The following NOTCH2NLB variants were observed in gnomAD, a reference collection of about 807,000 sequenced individuals.
NOTCH2NLB encodes the protein notch homolog 2 N-terminal-like protein B.
Under a neutral mutation model 14.8 loss-of-function variants are expected in NOTCH2NLB, and 1 was observed. The ratio of observed to expected loss-of-function variants is 0.07; its 90% CI spans 0.02 to 0.32. The LOEUF is 0.32. Among genes scored for constraint, NOTCH2NLB ranks in the 10% least tolerant of loss-of-function variants. The pLI is 1.00. For missense variants in NOTCH2NLB, 11 were observed against 155.0 expected, an observed-to-expected ratio of 0.07 and a Z score of 4.93; for synonymous variants, 6 against 57.5, an observed-to-expected ratio of 0.10 and a Z score of 4.05.
chr1:148,638,333 T>C (rs1364604013), intron 2 of NOTCH2NLB, among the ~76,000 whole-genome samples: 5 of 149,400 alleles, frequency 3.3e-5, no homozygotes, highest in Admixed American at 2.6e-4. Context: ...AAAAAATGCA[T>C]AAGACTAAGA....
At chr1:148,673,562 A>T (rs1166786591) in intron 1 of NOTCH2NLB, among the ~76,000 whole-genome samples, 1 of 89,632 alleles carries the variant, frequency 1.1e-5, no homozygotes, top group Non-Finnish European at 2.4e-5. Context: ...ATCTCAGGTA[A>T]CATTCTAATG....
At chr1:148,602,275 AAAAAAG>A (rs1335190350), downstream of NOTCH2NLB, among the ~76,000 whole-genome samples, 7 of 70,852 alleles carry the variant, frequency 9.9e-5, no homozygotes, top group African/African-American at 5.8e-4. Flanking sequence ...AAAAAAAAAA[AAAAAAG>A]AAAAGAAAAG....
upstream of NOTCH2NLB, among the ~76,000 whole-genome samples, chr1:148,681,029 G>A (rs1192732285): frequency 6.7e-6 from 1 of 150,194 alleles, no homozygotes; most frequent in African/African-American, 2.4e-5. Context: ...ACGGAAAGGG[G>A]GTTGGGACCA....
rs1159527088 is a variant in NOTCH2NLB, at chr1:148,622,356, C to T, written c.78-6406G>A. On this transcript the variant is annotated intron_variant, in intron 2 of 4. Coordinates refer to ENST00000593495, the Ensembl canonical transcript of NOTCH2NLB. ...CTGCACTCCAGCCTGGGCAACAGAG[C>T]GAGACTCCCTCTCAAAAAAAAAAAA... Among the ~76,000 whole-genome samples, 6 of 105,086 alleles carry T rather than the reference C, an allele frequency of 5.7e-5. No individual in the cohort carries two copies. The East Asian group carries it at 1.9e-3, about 33-fold the overall frequency. 68.9% of individuals were successfully genotyped at this position (105,086 alleles called of 152,430 possible).
intron 3 of NOTCH2NLB, among the ~76,000 whole-genome samples, chr1:148,608,449 T>C (rs1382191797): frequency 2.0e-5 from 3 of 151,954 alleles, no homozygotes; most frequent in African/African-American, 7.3e-5. Flanking sequence ...TCTTGGCAAC[T>C]CTACTCAAAA....
At chr1:148,684,838 G>C in the NOTCH2NLB span, among the ~76,000 whole-genome samples, 4 of 104,478 alleles carry the variant, frequency 3.8e-5, no homozygotes, top group Admixed American at 9.2e-5. Context: ...TGAGGTGGGA[G>C]GACCACTTGA....
chr1:148,625,343 T>A (rs2149607950), intron 2 of NOTCH2NLB, among the ~76,000 whole-genome samples: 1 of 89,700 alleles, frequency 1.1e-5, no homozygotes, highest in East Asian at 5.6e-4. Flanking sequence ...CTTTAGCTTT[T>A]TTTTTTTTTT....
chr1:148,637,592 G>A (rs1664236556), intron 2 of NOTCH2NLB, among the ~76,000 whole-genome samples: 2 of 147,984 alleles, frequency 1.4e-5, no homozygotes, highest in Non-Finnish European at 3.0e-5. Flanking sequence ...TTTAAATTTT[G>A]CTTTTAAGTT....
chr1:148,610,306 A>AGG (rs1663644774), intron 3 of NOTCH2NLB, among the ~76,000 whole-genome samples: 3 of 92,154 alleles, frequency 3.3e-5, no homozygotes, highest in African/African-American at 9.9e-5. Flanking sequence ...GGAAAGAGAG[A>AGG]GAAAGAGAGA....
chr1:148,658,209 ATC>A (rs1208890983), intron 1 of NOTCH2NLB, among the ~76,000 whole-genome samples: 4 of 6,354 alleles, frequency 6.3e-4, no homozygotes, highest in African/African-American at 3.4e-3. Context: ...ACAGTTTGTA[ATC>A]TGTTTTTAAA....
intron 1 of NOTCH2NLB, among the ~76,000 whole-genome samples, chr1:148,661,293 A>G: frequency 1.3e-5 from 2 of 149,282 alleles, no homozygotes; most frequent in African/African-American, 4.9e-5. Context: ...ATTAGGCACT[A>G]TTATAAAAAA....
At chr1:148,670,535 A>ATATAT (rs1347581270) in intron 1 of NOTCH2NLB, among the ~76,000 whole-genome samples, 1,350 of 58,350 alleles carry the variant, frequency 0.023, 15 homozygotes, top group East Asian at 0.029. Context: ...AAACTAAAAA[A>ATATAT]AAAAATATAT....
At chr1:148,608,480 A>G (rs1663578535) in intron 3 of NOTCH2NLB, among the ~76,000 whole-genome samples, 2 of 152,162 alleles carry the variant, frequency 1.3e-5, no homozygotes, top group Admixed American at 6.5e-5. Context: ...CTGTAAAGTC[A>G]TCCTTAGTGC....
intron 1 of NOTCH2NLB, among the ~76,000 whole-genome samples, chr1:148,651,144 G>GGGAA: frequency 1.3e-5 from 1 of 76,510 alleles, no homozygotes; most frequent in Non-Finnish European, 2.4e-5. Context: ...CTCTGCCTGA[G>GGGAA]AAAAAAAAAA....
chr1:148,609,134 T>G lies in NOTCH2NLB; in HGVS notation c.338-1389A>C, dbSNP rs1424872299. On this transcript the variant is annotated intron_variant, in intron 3 of 4. Transcript: ENST00000593495. ...ATTATACTTTAAGTTCTAGGGTACATGTGCACAACATGCAGGTTTGTTACA... is the reference window on the plus strand; with the variant it reads ...ATTATACTTTAAGTTCTAGGGTACAGGTGCACAACATGCAGGTTTGTTACA... 1.6e-4 allele frequency among the ~76,000 whole-genome samples: 22 copies of G among 141,336 alleles called. No homozygotes were observed. In the South Asian group the frequency reaches 4.6e-3, roughly 29 times the overall value. The allele number at this position is 141,336 out of a possible 152,430, so 92.7% of individuals were successfully genotyped here. A position where few individuals can be genotyped will look rare whatever the true frequency, so the allele number is the denominator to read the frequency against.
At chr1:148,638,226 A>G (rs1664259435) in intron 2 of NOTCH2NLB, among the ~76,000 whole-genome samples, 1 of 148,950 alleles carries the variant, frequency 6.7e-6, no homozygotes, top group African/African-American at 2.5e-5. Flanking sequence ...TAGATAAGAA[A>G]CATGTGCATG....
chr1:148,625,694 G>C (rs1410345718), intron 2 of NOTCH2NLB, among the ~76,000 whole-genome samples: 1 of 116,468 alleles, frequency 8.6e-6, no homozygotes, highest in Non-Finnish European at 1.7e-5. Context: ...TGCCCTAGCT[G>C]AGCTCTAGAG....
At chr1:148,637,110 T>C in intron 2 of NOTCH2NLB, among the ~76,000 whole-genome samples, 1 of 135,836 alleles carries the variant, frequency 7.4e-6, no homozygotes, top group Non-Finnish European at 1.6e-5. Context: ...GCTCTGTCGC[T>C]CAGGCTGGAG....
At chr1:148,703,139 A>G in the NOTCH2NLB span, among the ~76,000 whole-genome samples, 5 of 43,178 alleles carry the variant, frequency 1.2e-4, no homozygotes, top group African/African-American at 1.5e-4. Context: ...AAATACAAAA[A>G]ATTAGCCGGG....
Sources: allele counts gnomAD v4.1 joint callset (sites outside exome capture counted in the v4.1 genomes callset), GRCh38; gene constraint gnomAD v4.1.1; transcripts MANE v1.5; gene names NCBI Gene and HGNC (gene_info 2026-07-23, HGNC 2026-07-21).